Variants in DCP1A observed in about 807,000 individuals in gnomAD.
DCP1A encodes the protein mRNA-decapping enzyme 1A.
DCP1A carries 20 observed loss-of-function variants against 58.0 expected under a neutral mutation model. The observed-to-expected ratio is 0.34, with a 90% CI of 0.24 to 0.50. The LOEUF is 0.50. DCP1A is among the 20% of genes least tolerant of loss of function. The pLI, the probability that DCP1A is intolerant of heterozygous loss-of-function variation, is 0.98. For synonymous variants in DCP1A, 285 were observed against 275.1 expected (o/e 1.04, Z -0.36); for missense variants, 613 against 712.2 (o/e 0.86, Z 1.59).
chr3:53,290,658 GA>G, intron 8 of DCP1A, 132 bp downstream of exon 8: 1 of 737,638 alleles, frequency 1.4e-6, no homozygotes, highest in Non-Finnish European at 2.3e-6. Context: ...CAAAGGGAGT[GA>G]ATTATCTCAC....
rs782045307 is a variant in DCP1A at position 53,292,445 on chromosome 3, G to A, written c.1007C>T (p.Pro336Leu). The A allele has an allele frequency of 6.2e-7, 1 of 1,614,026 alleles. No individual in the cohort carries two copies. Among genetic ancestry groups the A allele is most frequent in the Non-Finnish European group, 8.5e-7 (1 of 1,179,902 alleles). The change falls in exon 7 of 10, where the codon CCT becomes CTT. Residue 336 changes from proline (P) to leucine (L), a missense_variant. Coordinates refer to ENST00000610213, the MANE Select transcript of DCP1A (RefSeq NM_018403.7). ...APTAQVPPSL[P>L]RNSTMMQAVK... ...TGCCTGCATCATGGTGCTGTTTCGA[G>A]GTAAGCTGGGGGGAACCTGTGCAGT...
chr3:53,311,684 A>C (rs1430632344), intron 5 of DCP1A, among the ~76,000 whole-genome samples: 1 of 152,196 alleles, frequency 6.6e-6, no homozygotes, highest in Non-Finnish European at 1.5e-5. Context: ...TATGTGGTAC[A>C]AACTATCAGA....
intron 5 of DCP1A, 110 bp downstream of exon 5, chr3:53,312,131 A>G: frequency 8.0e-7 from 1 of 1,249,120 alleles, no homozygotes; most frequent in Non-Finnish European, 1.1e-6. Context: ...TTGAACTTAT[A>G]TTTCTGCCGT....
chr3:53,290,422 C>A (rs868925430), intron 8 of DCP1A, among the ~76,000 whole-genome samples: 1 of 152,078 alleles, frequency 6.6e-6, no homozygotes, highest in South Asian at 2.1e-4. Flanking sequence ...GTGCCCTCTA[C>A]ACACACAGTC....
chr3:53,309,110 G>A (rs1299873402), intron 5 of DCP1A, among the ~76,000 whole-genome samples: 1 of 152,078 alleles, frequency 6.6e-6, no homozygotes, highest in African/African-American at 2.4e-5. Flanking sequence ...GGTGGCTCAC[G>A]CCTGTAATCC....
At chr3:53,317,782 C>T (rs1707855669) in intron 4 of DCP1A, among the ~76,000 whole-genome samples, 1 of 151,990 alleles carries the variant, frequency 6.6e-6, no homozygotes, top group Non-Finnish European at 1.5e-5. Context: ...TTCAAGCCAA[C>T]ATTTTTTCAA....
chr3:53,313,594 A>C (rs1707712971), intron 4 of DCP1A, among the ~76,000 whole-genome samples: 1 of 152,110 alleles, frequency 6.6e-6, no homozygotes, highest in Non-Finnish European at 1.5e-5. Flanking sequence ...AAGCTTGAAT[A>C]ATAAATTTTA....
At chr3:53,322,924 C>T (rs1372061475) in intron 3 of DCP1A, among the ~76,000 whole-genome samples, 1 of 151,930 alleles carries the variant, frequency 6.6e-6, no homozygotes, top group Non-Finnish European at 1.5e-5. Flanking sequence ...CCATTCTCCT[C>T]AGCCGCCCGA....
At chr3:53,328,711 A>G (rs1553690931) in intron 3 of DCP1A, among the ~76,000 whole-genome samples, 1 of 152,238 alleles carries the variant, frequency 6.6e-6, no homozygotes, top group Non-Finnish European at 1.5e-5. Context: ...ACAATGAGCC[A>G]GAAAGCAATA....
intron 7 of DCP1A, 36 bp downstream of exon 7, chr3:53,292,033 T>G: frequency 1.3e-6 from 2 of 1,571,204 alleles, no homozygotes; most frequent in Non-Finnish European, 1.7e-6. Flanking sequence ...CAGTTACAGT[T>G]ACCCACTCTG....
At chr3:53,344,966 AG>A in intron 1 of DCP1A, 24 bp from the exon 2 acceptor site, 1 of 1,593,654 alleles carries the variant, frequency 6.3e-7, no homozygotes, top group Non-Finnish European at 8.5e-7. Context: ...TGACTCAATT[AG>A]TTTTTTTTCC....
At chr3:53,305,681 G>T (rs1013708949) in intron 5 of DCP1A, among the ~76,000 whole-genome samples, 19 of 152,022 alleles carry the variant, frequency 1.2e-4, no homozygotes, top group African/African-American at 4.6e-4. Context: ...AAATACCTAG[G>T]AGTGGTACTT....
intron 3 of DCP1A, among the ~76,000 whole-genome samples, chr3:53,337,425 A>G (rs982340938): frequency 3.3e-5 from 5 of 152,220 alleles, no homozygotes; most frequent in African/African-American, 9.6e-5. Context: ...TGAGTCTAGA[A>G]TGGAGACACA....
At chr3:53,290,933 A>G in intron 7 of DCP1A, 77 bp from the exon 8 acceptor site, 1 of 1,273,288 alleles carries the variant, frequency 7.9e-7, no homozygotes, top group South Asian at 1.3e-5. Flanking sequence ...TAATTGAAAA[A>G]GACTTTCCCA....
intron 5 of DCP1A, among the ~76,000 whole-genome samples, chr3:53,305,753 G>T (rs12637463): frequency 0.7 from 106,042 of 152,028 alleles, 37,770 homozygotes; most frequent in Non-Finnish European, 0.77. Flanking sequence ...ATTTTACATC[G>T]ATGACACATT....
intron 3 of DCP1A, among the ~76,000 whole-genome samples, chr3:53,327,491 A>T (rs782019337): frequency 6.6e-6 from 1 of 152,232 alleles, no homozygotes; most frequent in Non-Finnish European, 1.5e-5. Flanking sequence ...CTTTCCTTTT[A>T]TTAAAAAGAA....
chr3:53,297,123 G>A (rs1278971954), intron 6 of DCP1A, among the ~76,000 whole-genome samples: 3 of 152,138 alleles, frequency 2.0e-5, no homozygotes. Context: ...CCATCCTAAT[G>A]AGTATGAAGT....
chr3:53,343,297 T>A (rs1226844758), intron 2 of DCP1A, among the ~76,000 whole-genome samples: 1 of 152,212 alleles, frequency 6.6e-6, no homozygotes, highest in Non-Finnish European at 1.5e-5. Context: ...AGCTGCAAAG[T>A]GACAGTCTGA....
At chr3:53,339,479 A>C (rs574127527) in intron 3 of DCP1A, among the ~76,000 whole-genome samples, 1 of 152,384 alleles carries the variant, frequency 6.6e-6, no homozygotes, top group Non-Finnish European at 1.5e-5. Context: ...CAGTGGAGTT[A>C]AAGTTATAAA....
Sources: allele counts gnomAD v4.1 joint callset (sites outside exome capture counted in the v4.1 genomes callset), GRCh38; gene constraint gnomAD v4.1.1; transcripts MANE v1.5; gene names NCBI Gene and HGNC (gene_info 2026-07-23, HGNC 2026-07-21).